The following FARP1 variants were observed in gnomAD, a reference collection of about 807,000 sequenced individuals.
FARP1 encodes the protein FERM, ARHGEF and pleckstrin domain-containing protein 1.
Under a neutral mutation model 128.8 loss-of-function variants are expected in FARP1, and 52 were observed. That is an observed-to-expected ratio of 0.40 (90% CI 0.32 to 0.51). FARP1 has a LOEUF of 0.51. FARP1 is among the 20% of genes least tolerant of loss of function. The pLI is 0.45. For synonymous variants in FARP1, 580 were observed against 551.8 expected (o/e 1.05, Z -0.72); for missense variants, 1,333 against 1,367.9 (o/e 0.97, Z 0.40).
intron 18 of FARP1, chr13:98,434,682 TA>T (rs1566317392): frequency 6.6e-6 from 1 of 152,186 alleles, no homozygotes; most frequent in Non-Finnish European, 1.5e-5. Flanking sequence ...CCCACCAGTA[TA>T]GGGGAGCCGT....
intron 2 of FARP1, among the ~76,000 whole-genome samples, chr13:98,240,121 G>T (rs1882678221): frequency 6.6e-6 from 1 of 152,188 alleles, no homozygotes; most frequent in South Asian, 2.1e-4. Context: ...CTTGCACGGG[G>T]TCACCCTTGG....
chr13:98,154,736 G>A (rs1252170018), intron 1 of FARP1, among the ~76,000 whole-genome samples: 1 of 152,204 alleles, frequency 6.6e-6, no homozygotes, highest in African/African-American at 2.4e-5. Flanking sequence ...CCCTGTGGAG[G>A]TGGAGAAAAG....
In FARP1 at chr13:98,452,921, A is replaced by G. The variant is rs1297603474; in HGVS notation, c.*4604A>G. 1 of 415,666 alleles carries G rather than the reference A, an allele frequency of 2.4e-6. No homozygotes were observed. The highest frequency in any genetic ancestry group is 4.1e-5 in the Admixed American group (1 of 24,596). The allele number at this position is 415,666 out of a possible 1,614,324, so 25.7% of individuals were successfully genotyped here. On this transcript the variant is annotated 3_prime_UTR_variant, in exon 27 of 27. Transcript: ENST00000319562. ...GAATATGTGCACTATGGTTAAAATT[A>G]AAAACAAAAGTAATAAAATAAAATA...
chr13:98,410,923 C>T (rs921374264), intron 15 of FARP1, 100 bp downstream of exon 15: 9 of 584,502 alleles, frequency 1.5e-5, no homozygotes, highest in Middle Eastern at 3.2e-4. Flanking sequence ...GTTGGATTCG[C>T]TGACTTCAGT....
chr13:98,440,233 A>G lies in FARP1; in HGVS notation c.2627A>G (p.Asn876Ser). The change falls in exon 23 of 27, where the codon AAC (asparagine) becomes AGC (serine). Residue 876 changes from asparagine (N) to serine (S), a missense_variant and splice_region_variant. Coordinates refer to ENST00000319562, the MANE Select transcript of FARP1 (RefSeq NM_005766.4). ...PEFLASSPPD[N>S]KSPDEATAAD... ...TTCCTGGCCAGCAGCCCCCCTGACA[A>G]CAGTGAGTGTGGCCAGGGCAGCTTT... 6.2e-7 allele frequency: 1 copy of G among 1,610,972 alleles called. No homozygotes were observed. The highest frequency in any genetic ancestry group is 8.5e-7 in the Non-Finnish European group (1 of 1,177,282).
At chr13:98,288,046 C>T (rs1885277119) in intron 2 of FARP1, among the ~76,000 whole-genome samples, 2 of 152,254 alleles carry the variant, frequency 1.3e-5, no homozygotes, top group East Asian at 1.9e-4. Flanking sequence ...GTGATCCGCC[C>T]ACGTCGGCCT....
chr13:98,391,670 C>A (rs2140059720), intron 11 of FARP1, among the ~76,000 whole-genome samples: 1 of 152,312 alleles, frequency 6.6e-6, no homozygotes, highest in South Asian at 2.1e-4. Context: ...TGAGTGAACT[C>A]ATTGAGTCTT....
chr13:98,170,133 T>C (rs1228038649), intron 1 of FARP1, among the ~76,000 whole-genome samples: 1 of 152,212 alleles, frequency 6.6e-6, no homozygotes, highest in East Asian at 1.9e-4. Flanking sequence ...TCTTATTCTC[T>C]TGGGGAATAG....
At chr13:98,308,008 C>CG (rs1160494693) in intron 2 of FARP1, among the ~76,000 whole-genome samples, 3 of 105,628 alleles carry the variant, frequency 2.8e-5, no homozygotes, top group Non-Finnish European at 4.2e-5. Flanking sequence ...CTGCCTGCCC[C>CG]CCTCCGCCCG....
chr13:98,330,209 G>T (rs1221763181), intron 2 of FARP1, among the ~76,000 whole-genome samples: 2 of 152,110 alleles, frequency 1.3e-5, no homozygotes, highest in Non-Finnish European at 2.9e-5. Context: ...AGGACATTTG[G>T]ATATGAGCTC....
chr13:98,335,799 G>A (rs1887714510), intron 2 of FARP1, among the ~76,000 whole-genome samples: 2 of 152,310 alleles, frequency 1.3e-5, no homozygotes, highest in South Asian at 2.1e-4. Flanking sequence ...TCGAGAGTTG[G>A]TGGGTTATAG....
At chr13:98,190,406 C>T (rs1566721567) in intron 1 of FARP1, among the ~76,000 whole-genome samples, 1 of 152,166 alleles carries the variant, frequency 6.6e-6, no homozygotes, top group Non-Finnish European at 1.5e-5. Flanking sequence ...GCTCCTACCT[C>T]AAAGTCTTTA....
At chr13:98,324,668 T>C (rs779605547) in intron 2 of FARP1, among the ~76,000 whole-genome samples, 1 of 152,222 alleles carries the variant, frequency 6.6e-6, no homozygotes, top group African/African-American at 2.4e-5. Flanking sequence ...CACCTACCCC[T>C]GGTGTGTGTT....
intron 2 of FARP1, among the ~76,000 whole-genome samples, chr13:98,271,573 C>T (rs1191018474): frequency 6.6e-6 from 1 of 152,100 alleles, no homozygotes; most frequent in Non-Finnish European, 1.5e-5. Flanking sequence ...CTCCCCACCC[C>T]TCGACAGGCC....
chr13:98,178,464 G>C (rs1353205766), intron 1 of FARP1, among the ~76,000 whole-genome samples: 1 of 152,014 alleles, frequency 6.6e-6, no homozygotes, highest in African/African-American at 2.4e-5. Context: ...CTAAAATGTT[G>C]GTATTACAGG....
At chr13:98,164,011 C>T (rs544909877) in intron 1 of FARP1, among the ~76,000 whole-genome samples, 46 of 152,332 alleles carry the variant, frequency 3.0e-4, no homozygotes, top group African/African-American at 1.1e-3. Context: ...ACCCGGCCAG[C>T]ATGACCTTTT....
intron 9 of FARP1, 182 bp from the exon 10 acceptor site, chr13:98,389,775 G>A (rs1890236586): frequency 1.8e-6 from 1 of 563,774 alleles, no homozygotes; most frequent in Admixed American, 3.4e-5. Context: ...GATGGACTAG[G>A]GACCACATCT....
Position 98,368,171 on chromosome 13 carries a change from C to A in FARP1, c.374C>A (p.Thr125Lys). 1 of 1,613,898 alleles carries A rather than the reference C, an allele frequency of 6.2e-7. No homozygotes were observed. The highest frequency in any genetic ancestry group is 1.7e-5 in the Admixed American group (1 of 60,024). The stretch of plus-strand genomic sequence containing the variant: ...GTGAAATTCTTTCCGCCTGACCACA[C>A]ACAACTCCAAGAAGAACTCACAAGG... ...FVVKFFPPDH[T>K]QLQEELTRYL... is the part of the protein sequence containing the mutation. The change falls in exon 5 of 27, where the codon ACA (threonine) becomes AAA (lysine). Residue 125 changes from threonine to lysine, a missense_variant. Coordinates refer to ENST00000319562, the MANE Select transcript of FARP1 (RefSeq NM_005766.4).
chr13:98,393,527 C>A (rs1890392248), intron 11 of FARP1, 116 bp from the exon 12 acceptor site: 2 of 748,854 alleles, frequency 2.7e-6, no homozygotes, highest in Non-Finnish European at 4.7e-6. Context: ...TGGGTACCAT[C>A]ATTATTGAGG....
Sources: allele counts gnomAD v4.1 joint callset (sites outside exome capture counted in the v4.1 genomes callset), GRCh38; gene constraint gnomAD v4.1.1; transcripts MANE v1.5; gene names NCBI Gene and HGNC (gene_info 2026-07-23, HGNC 2026-07-21).